Variants in KCNAB2 observed in about 807,000 individuals in gnomAD.
The protein encoded by KCNAB2 is potassium voltage-gated channel subfamily A regulatory beta subunit 2, also known as voltage-gated potassium channel subunit beta-2.
In KCNAB2, 29 loss-of-function variants were observed where a neutral mutation model predicts 63.6. That is an observed-to-expected ratio of 0.46 (90% CI 0.34 to 0.62). The LOEUF (loss-of-function observed/expected upper bound fraction) is 0.62. Ranked by LOEUF, KCNAB2 falls within the 20% of genes least tolerant of loss-of-function variation. The pLI, the probability that KCNAB2 is intolerant of heterozygous loss-of-function variation, is 0.01. For missense variants in KCNAB2, 359 were observed against 563.9 expected, an observed-to-expected ratio of 0.64 and a Z score of 3.68; for synonymous variants, 222 against 224.2, an observed-to-expected ratio of 0.99 and a Z score of 0.09.
intron 1 of KCNAB2, among the ~76,000 whole-genome samples, chr1:5,996,776 T>C (rs929188749): frequency 6.6e-6 from 1 of 152,230 alleles, no homozygotes; most frequent in Non-Finnish European, 1.5e-5. Context: ...GCTGTGATCT[T>C]GAGCCCTGAC....
In KCNAB2 at chr1:6,086,850, C is replaced by T. The variant is rs1241599582; in HGVS notation, c.426-617C>T. ...ATGCCTCCCCTCCCTCCTTTGGTGC[C>T]CCCCAAGTTACCCCGACCAGGCCGT... On this transcript the variant is annotated intron_variant, in intron 6 of 15. Transcript: ENST00000378083. This position sits in a 1 kb window ranked among gnomAD's most constrained non-coding sequence, Gnocchi z 4.2. 6.6e-6 allele frequency among the ~76,000 whole-genome samples: 1 copy of T among 152,076 alleles called. No homozygotes were observed. The highest frequency in any genetic ancestry group is 6.6e-5 in the Admixed American group (1 of 15,266).
chr1:6,030,345 C>T (rs1173959796), upstream of KCNAB2, among the ~76,000 whole-genome samples: 1 of 152,128 alleles, frequency 6.6e-6, no homozygotes, highest in Non-Finnish European at 1.5e-5. Context: ...GGCAGAGGTT[C>T]AGGGGCAAGT....
intron 1 of KCNAB2, among the ~76,000 whole-genome samples, chr1:6,008,183 T>C (rs1319397741): frequency 6.6e-6 from 1 of 152,180 alleles, no homozygotes; most frequent in East Asian, 1.9e-4. Flanking sequence ...ACGAGGCAGA[T>C]GGTGAGCCAA....
Position 6,087,369 on chromosome 1 carries a change from T to G in KCNAB2, c.426-98T>G. On this transcript the variant is annotated intron_variant, in intron 6 of 15. Coordinates refer to ENST00000378083, the MANE Select transcript of KCNAB2 (RefSeq NM_001199862.2). This position sits in a 1 kb window ranked among gnomAD's most constrained non-coding sequence, Gnocchi z 6.4. ...CCCCAGGCTCCTGGGTGGGAGGGCT[T>G]TCAGGACCTCTGTGTGAGAGATGAG... The G allele has an allele frequency of 3.0e-6, 4 of 1,348,450 alleles. No homozygotes were observed. Among genetic ancestry groups the G allele is most frequent in the Non-Finnish European group, 4.3e-6 (4 of 939,162 alleles). The allele number at this position is 1,348,450 out of a possible 1,614,324, so 83.5% of individuals were successfully genotyped here.
chr1:6,068,650 C>T (rs1662949805), intron 2 of KCNAB2, among the ~76,000 whole-genome samples: 1 of 152,198 alleles, frequency 6.6e-6, no homozygotes, highest in African/African-American at 2.4e-5. Context: ...CACCCCCGCC[C>T]CGGGCCTCTC....
At chr1:6,010,720 G>A (rs111395270) in intron 1 of KCNAB2, among the ~76,000 whole-genome samples, 1,594 of 152,322 alleles carry the variant, frequency 0.01, 18 homozygotes, top group Middle Eastern at 0.024. Context: ...GGGGTGGGCC[G>A]CCCCATCTTC....
At chr1:6,005,068 GGGACATGGA>G (rs1657515249) in intron 1 of KCNAB2, among the ~76,000 whole-genome samples, 1 of 34,550 alleles carries the variant, frequency 2.9e-5, no homozygotes, top group African/African-American at 9.3e-5. Flanking sequence ...GGTAGAGTGG[GGGACATGGA>G]AGCTGAGCTG....
chr1:6,085,746 C>T (rs1451574308), intron 6 of KCNAB2: 13 of 765,858 alleles, frequency 1.7e-5, no homozygotes, highest in African/African-American at 5.7e-5. Flanking sequence ...ACAGGATCTT[C>T]GCGGCGTCTC....
At chr1:6,057,580 T>G (rs1200750624) in intron 2 of KCNAB2, among the ~76,000 whole-genome samples, 2 of 152,218 alleles carry the variant, frequency 1.3e-5, no homozygotes, top group Non-Finnish European at 2.9e-5. Context: ...CCTGTTTTAC[T>G]TTCCTGAGGC....
intron 1 of KCNAB2, chr1:6,026,451 TG>T (rs1659187320): frequency 6.6e-6 from 1 of 152,322 alleles, no homozygotes; most frequent in African/African-American, 2.4e-5. Context: ...AGCAGGTACC[TG>T]GGGTGCTCCG....
intron 4 of KCNAB2, among the ~76,000 whole-genome samples, chr1:6,080,231 G>A (rs35690108): frequency 0.015 from 2,247 of 152,312 alleles, 25 homozygotes; most frequent in Non-Finnish European, 0.023. Context: ...GAGGCATCTG[G>A]GAAAAGTCAG....
intron 1 of KCNAB2, chr1:6,018,550 C>G (rs569257077): frequency 6.6e-6 from 1 of 152,358 alleles, no homozygotes; most frequent in East Asian, 1.9e-4. Context: ...ATCGCTCAAG[C>G]GATCCTCCAA....
At chr1:6,020,829 G>C (rs1313202268) in intron 1 of KCNAB2, among the ~76,000 whole-genome samples, 1 of 151,992 alleles carries the variant, frequency 6.6e-6, no homozygotes, top group African/African-American at 2.4e-5. Context: ...ACCATGCCTG[G>C]CTAATTTTTG....
intron 2 of KCNAB2, among the ~76,000 whole-genome samples, chr1:6,068,542 CTG>C (rs1181741661): frequency 2.0e-5 from 3 of 152,340 alleles, no homozygotes; most frequent in African/African-American, 7.2e-5. Context: ...TTCCTTGCTG[CTG>C]TCACGGCGGG....
upstream of KCNAB2, chr1:6,041,578 G>T (rs1660501882): frequency 3.7e-6 from 2 of 539,694 alleles, no homozygotes; most frequent in South Asian, 2.2e-5. Context: ...GCCTGGCATG[G>T]AAGGAGCCCT....
At position 6,028,501 on chromosome 1, in the gene KCNAB2, G is replaced by A. The variant is rs889562246; in HGVS notation, c.-52-12016G>A. ...TGGAGTCCTCGCCCCGAGGCCTTCC[G>A]GAAGACACCCAGGACGTCACACCTA... On this transcript the variant is annotated intron_variant, in intron 1 of 16. Coordinates refer to the KCNAB2 transcript ENST00000341524. This position sits in a 1 kb window ranked among gnomAD's most constrained non-coding sequence, Gnocchi z 4.0. Among the ~76,000 whole-genome samples, 3 of 152,170 alleles carry A rather than the reference G, an allele frequency of 2.0e-5. No individual in the cohort carries two copies. Among genetic ancestry groups the A allele is most frequent in the Non-Finnish European group, 4.4e-5 (3 of 68,038 alleles).
In KCNAB2 at chr1:6,005,065, T is replaced by TG. The variant is rs148307095; in HGVS notation, c.-53+12282dup. ...GCTGAGCTGAGGGGTGAGGGTAGAG[T>TG]GGGGGACATGGAAGCTGAGCTGAGG... is the stretch of plus-strand genomic sequence containing the variant. On this transcript the variant is annotated intron_variant, in intron 1 of 16. Coordinates refer to the KCNAB2 transcript ENST00000341524. Among the ~76,000 whole-genome samples, 34 of 4,746 alleles carry TG rather than the reference T, an allele frequency of 7.2e-3. 3 individuals carry two copies. The highest frequency in any genetic ancestry group is 0.019 in the South Asian group (1 of 54). 3.1% of individuals were successfully genotyped at this position (4,746 alleles called of 152,430 possible). A position where few individuals can be genotyped will look rare whatever the true frequency, so the allele number is the denominator to read the frequency against.
chr1:6,000,207 A>G (rs745512163), intron 1 of KCNAB2, among the ~76,000 whole-genome samples: 119 of 152,168 alleles, frequency 7.8e-4, no homozygotes, highest in Non-Finnish European at 1.3e-3. Flanking sequence ...TTGCCTTTCC[A>G]TGGAAATGAG....
At chr1:5,996,835 C>T (rs1053930106) in intron 1 of KCNAB2, among the ~76,000 whole-genome samples, 2 of 152,180 alleles carry the variant, frequency 1.3e-5, no homozygotes, top group Non-Finnish European at 2.9e-5. Context: ...GGGAGCTGGG[C>T]ACAGGTTTCT....
Sources: allele counts gnomAD v4.1 joint callset (sites outside exome capture counted in the v4.1 genomes callset), GRCh38; gene constraint gnomAD v4.1.1; non-coding constraint Gnocchi (gnomAD v3.1); transcripts MANE v1.5; gene names NCBI Gene and HGNC (gene_info 2026-07-23, HGNC 2026-07-21).